Variants in BRWD3 observed in about 807,000 individuals in gnomAD.
BRWD3 encodes the protein bromodomain and WD repeat-containing protein 3.
A neutral mutation model predicts 149.7 loss-of-function variants in BRWD3; 10 were observed. The ratio of observed to expected loss-of-function variants is 0.07; its 90% CI spans 0.04 to 0.11. The LOEUF (loss-of-function observed/expected upper bound fraction) is 0.11. Ranked by LOEUF, BRWD3 falls within the 10% of genes least tolerant of loss-of-function variation. The probability of loss-of-function intolerance (pLI) is 1.00; values close to 1 mark genes in which losing one functional copy is unlikely to be tolerated. For synonymous variants in BRWD3, 504 were observed against 456.7 expected (o/e 1.10, Z -1.32); for missense variants, 940 against 1,373.2 (o/e 0.68, Z 4.99).
At chrX:80,709,639 A>G in intron 20 of BRWD3, 62 bp from the exon 21 acceptor site, 2 of 1,069,363 alleles carry the variant, frequency 1.9e-6, no homozygotes, top group Non-Finnish European at 1.3e-6. Flanking sequence ...CACAAGGAAC[A>G]TATATAAAGC....
chrX:80,692,056 G>T (rs776516940), intron 29 of BRWD3, 33 bp downstream of exon 29: 6 of 1,191,035 alleles, frequency 5.0e-6, no homozygotes, highest in African/African-American at 1.8e-5. Flanking sequence ...ACTTTTAAAA[G>T]AATTATAATT....
At chrX:80,714,219 CTT>C (rs987098536) in intron 20 of BRWD3, among the ~76,000 whole-genome samples, 5,085 of 61,194 alleles carry the variant, frequency 0.083, 73 homozygotes, top group South Asian at 0.17. Context: ...AAACCTTCAT[CTT>C]TTTTTTTTTT....
intron 24 of BRWD3, among the ~76,000 whole-genome samples, chrX:80,702,618 C>A (rs1356154470): frequency 9.0e-6 from 1 of 111,631 alleles, no homozygotes; most frequent in African/African-American, 3.2e-5. Flanking sequence ...ATGAAAATAT[C>A]AAAAGAAACA....
intron 31 of BRWD3, 81 bp from the exon 32 acceptor site, chrX:80,690,173 T>C (rs1242959691): frequency 9.8e-7 from 1 of 1,018,765 alleles, no homozygotes; most frequent in Non-Finnish European, 1.4e-6. Context: ...GGAACAAATA[T>C]GTACTTAAAC....
chrX:80,719,409 AT>A (rs1384650224), intron 18 of BRWD3, 79 bp downstream of exon 18: 2 of 936,831 alleles, frequency 2.1e-6, no homozygotes, highest in Admixed American at 3.0e-5. Context: ...AACGTAAAAT[AT>A]TTTCCATGTA....
rs1427602627 is a variant in BRWD3 at position 80,809,140 on chromosome X, C to A, written c.91-98G>T. 5 of 1,142,669 alleles carry A rather than the reference C, an allele frequency of 4.4e-6. No individual in the cohort carries two copies. The South Asian group carries it at 5.7e-5, about 13-fold the overall frequency. 94.2% of individuals were successfully genotyped at this position (1,142,669 alleles called of 1,213,427 possible). On this transcript the variant is annotated intron_variant, in intron 2 of 40. Coordinates refer to ENST00000373275, the MANE Select transcript of BRWD3 (RefSeq NM_153252.5). ...CCCAGCCGCTGACCGTTTGACTAGT[C>A]AAGGCCGGCCTTTCCCTCACCCTCA...
At chrX:80,766,592 G>A (rs1029788665) in intron 6 of BRWD3, among the ~76,000 whole-genome samples, 1 of 112,149 alleles carries the variant, frequency 8.9e-6, no homozygotes, top group African/African-American at 3.2e-5. Context: ...TGGCTAGTGG[G>A]AACATCAAAT....
chrX:80,793,431 T>A, intron 5 of BRWD3, among the ~76,000 whole-genome samples, 191 bp downstream of exon 5: 1 of 111,161 alleles, frequency 9.0e-6, no homozygotes, highest in South Asian at 3.8e-4. Flanking sequence ...CTATATATAT[T>A]CACTTTTACA....
intron 6 of BRWD3, among the ~76,000 whole-genome samples, chrX:80,763,386 T>A (rs2073823365): frequency 9.0e-6 from 1 of 111,644 alleles, no homozygotes; most frequent in Non-Finnish European, 1.9e-5. Flanking sequence ...CTAACTATGT[T>A]TCAGTGACTA....
At chrX:80,689,944 T>C (rs752197919) in intron 32 of BRWD3, 23 bp downstream of exon 32, 3 of 1,204,452 alleles carry the variant, frequency 2.5e-6, no homozygotes, top group African/African-American at 3.5e-5. Context: ...TTAGACTCTC[T>C]GGAAGCTAAA....
chrX:80,798,648 T>A (rs903888977), intron 4 of BRWD3, among the ~76,000 whole-genome samples: 7 of 109,167 alleles, frequency 6.4e-5, no homozygotes, highest in Admixed American at 3.9e-4. Context: ...GAGTATAATA[T>A]AAGGCCAGGT....
chrX:80,773,880 C>T (rs755994510), intron 6 of BRWD3, among the ~76,000 whole-genome samples: 13 of 112,422 alleles, frequency 1.2e-4, no homozygotes, highest in Admixed American at 1.9e-4. Context: ...TCCTGTACTA[C>T]AATCACATTC....
rs918942793 is a variant in BRWD3 at position 80,673,319 on chromosome X, T to G, written c.*3290A>C. On this transcript the variant is annotated 3_prime_UTR_variant, in exon 41 of 41. Coordinates refer to ENST00000373275, the MANE Select transcript of BRWD3 (RefSeq NM_153252.5). The stretch of plus-strand genomic sequence containing the variant: ...AAATTAAAAAGGGAAATAAAAAGAA[T>G]AGAGGGACACAGGTATATGACAAAA... 1.8e-5 allele frequency: 2 copies of G among 110,259 alleles called. No homozygotes were observed. The highest frequency in any genetic ancestry group is 6.6e-5 in the African/African-American group (2 of 30,326). The allele number at this position is 110,259 out of a possible 1,213,427, so 9.1% of individuals were successfully genotyped here. A position where few individuals can be genotyped will look rare whatever the true frequency, so the allele number is the denominator to read the frequency against.
In BRWD3 at chrX:80,675,508, ATATT is replaced by A. The variant is rs1037618058; in HGVS notation, c.*1097_*1100del. On this transcript the variant is annotated 3_prime_UTR_variant, in exon 41 of 41. Transcript: ENST00000373275. Reference sequence around the variant, plus strand: ...AAAGCCTAAGGTGGTAGAGCATACTATATTTATGAAACTTTGTTAATTACAATTA... The same window carrying A: ...AAAGCCTAAGGTGGTAGAGCATACTATATGAAACTTTGTTAATTACAATTA... 4 of 112,142 alleles carry A rather than the reference ATATT, an allele frequency of 3.6e-5. No homozygotes were observed. Among genetic ancestry groups the A allele is most frequent in the African/African-American group, 1.3e-4 (4 of 30,952 alleles). 9.2% of individuals were successfully genotyped at this position (112,142 alleles called of 1,213,427 possible).
At chrX:80,796,190 G>A (rs1466050074) in intron 4 of BRWD3, among the ~76,000 whole-genome samples, 18 of 108,651 alleles carry the variant, frequency 1.7e-4, no homozygotes, top group African/African-American at 6.1e-4. Context: ...TAATGCAGTG[G>A]TGCGATCTTG....
intron 4 of BRWD3, among the ~76,000 whole-genome samples, chrX:80,805,299 C>T (rs1357754686): frequency 9.0e-6 from 1 of 111,145 alleles, no homozygotes; most frequent in Non-Finnish European, 1.9e-5. Flanking sequence ...TTTATCATTA[C>T]CTTAATATTA....
At chrX:80,738,290 C>T (rs781019232) in intron 8 of BRWD3, among the ~76,000 whole-genome samples, 9 of 111,123 alleles carry the variant, frequency 8.1e-5, no homozygotes, top group South Asian at 7.5e-4. Flanking sequence ...AATCAGGTTA[C>T]GGATTGTTTA....
Position 80,672,707 on chromosome X carries a change from G to A in BRWD3, c.*3902C>T, listed in dbSNP as rs2072332948. ...GCCTCACGTTCCACAAAAATATTGGGGATGGGGTTAGCATTTAAAACAATG... is the reference window on the plus strand; with the variant it reads ...GCCTCACGTTCCACAAAAATATTGGAGATGGGGTTAGCATTTAAAACAATG... On this transcript the variant is annotated 3_prime_UTR_variant, in exon 41 of 41. Coordinates refer to ENST00000373275, the MANE Select transcript of BRWD3 (RefSeq NM_153252.5). 9.0e-6 allele frequency: 1 copy of A among 111,448 alleles called. No homozygotes were observed. Among genetic ancestry groups the A allele is most frequent in the South Asian group, 3.8e-4 (1 of 2,661 alleles). The allele number at this position is 111,448 out of a possible 1,213,427, so 9.2% of individuals were successfully genotyped here.
chrX:80,753,525 C>G (rs2147802944), intron 6 of BRWD3, among the ~76,000 whole-genome samples: 1 of 111,385 alleles, frequency 9.0e-6, no homozygotes, highest in African/African-American at 3.3e-5. Flanking sequence ...CCCACCTCAA[C>G]CTCCCAAAGT....
Sources: gnomAD v4.1 joint callset for allele counts (sites outside exome capture counted in the v4.1 genomes callset) on GRCh38, gnomAD v4.1.1 for gene constraint, MANE v1.5 for transcripts, NCBI Gene and HGNC (gene_info 2026-07-23, HGNC 2026-07-21) for gene names.